The following KIAA1217 variants were observed in gnomAD, a reference collection of about 807,000 sequenced individuals.
The protein encoded by KIAA1217 is sickle tail protein homolog.
In KIAA1217, 88 loss-of-function variants were observed where a neutral mutation model predicts 163.9. The observed-to-expected ratio is 0.54, with a 90% confidence interval of 0.45 to 0.64. The LOEUF is 0.64. KIAA1217 is among the 30% of genes least tolerant of loss of function. The pLI is 0.00. For missense variants in KIAA1217, 2,372 were observed against 2,475.0 expected (o/e 0.96, Z 0.88); for synonymous variants, 903 against 923.1 (o/e 0.98, Z 0.39).
chr10:24,213,261 GCT>G (rs2068385473), intron 1 of KIAA1217, among the ~76,000 whole-genome samples: 3 of 152,136 alleles, frequency 2.0e-5, no homozygotes, highest in Non-Finnish European at 4.4e-5. Context: ...AAGCCCATGG[GCT>G]CTACATTGTG....
intron 1 of KIAA1217, among the ~76,000 whole-genome samples, chr10:23,796,386 C>T (rs938998186): frequency 1.9e-4 from 27 of 141,512 alleles, no homozygotes; most frequent in African/African-American, 6.1e-4. Flanking sequence ...TTAATTGAGA[C>T]GAAGTCTCAC....
chr10:24,204,112 T>G (rs903680190), upstream of KIAA1217, among the ~76,000 whole-genome samples: 1 of 152,246 alleles, frequency 6.6e-6, no homozygotes, highest in Non-Finnish European at 1.5e-5. Flanking sequence ...TCACATCATA[T>G]GACCACATGA....
chr10:24,093,732 G>A (rs1184061303), intron 2 of KIAA1217, among the ~76,000 whole-genome samples: 2 of 150,408 alleles, frequency 1.3e-5, no homozygotes, highest in Non-Finnish European at 2.9e-5. Flanking sequence ...CATGTGCCAT[G>A]CTGGTGTGCT....
chr10:24,192,384 G>A (rs1413935342), intron 2 of KIAA1217, among the ~76,000 whole-genome samples: 1 of 152,150 alleles, frequency 6.6e-6, no homozygotes, highest in Non-Finnish European at 1.5e-5. Context: ...AAGGGGAAAG[G>A]ATAAGGGGAA....
At chr10:23,722,213 T>C (rs2130765957) in intron 1 of KIAA1217, among the ~76,000 whole-genome samples, 1 of 152,280 alleles carries the variant, frequency 6.6e-6, no homozygotes, top group Non-Finnish European at 1.5e-5. Flanking sequence ...TATTGTTTAA[T>C]GAGATTAATG....
intron 1 of KIAA1217, among the ~76,000 whole-genome samples, chr10:23,934,619 A>ATTTTTTT (rs1219984756): frequency 6.2e-5 from 4 of 64,656 alleles, no homozygotes; most frequent in Non-Finnish European, 1.1e-4. Context: ...ATATATATAT[A>ATTTTTTT]TATATATTTT....
At chr10:24,496,613 C>G (rs1428712593) in intron 8 of KIAA1217, among the ~76,000 whole-genome samples, 5 of 152,196 alleles carry the variant, frequency 3.3e-5, no homozygotes, top group African/African-American at 1.2e-4. Flanking sequence ...ACTTTTCATG[C>G]ATTCACTCAT....
At chr10:24,168,355 T>A (rs1431333677) in intron 2 of KIAA1217, among the ~76,000 whole-genome samples, 1 of 152,098 alleles carries the variant, frequency 6.6e-6, no homozygotes, top group African/African-American at 2.4e-5. Flanking sequence ...TAGTAACTTG[T>A]CTAAGCATGC....
At chr10:24,135,358 G>A (rs1022374502) in intron 2 of KIAA1217, among the ~76,000 whole-genome samples, 6 of 152,050 alleles carry the variant, frequency 3.9e-5, no homozygotes, top group Non-Finnish European at 7.4e-5. Flanking sequence ...TTTAGCTCCC[G>A]TAAATACCAA....
At chr10:23,995,450 C>CTCTGTGTG (rs980015208) in intron 1 of KIAA1217, among the ~76,000 whole-genome samples, 21 of 147,828 alleles carry the variant, frequency 1.4e-4, no homozygotes, top group African/African-American at 5.0e-4. Context: ...CAATTATGGC[C>CTCTGTGTG]TGTGTGTGTG....
At chr10:23,786,296 G>A (rs1432395279) in intron 1 of KIAA1217, among the ~76,000 whole-genome samples, 1 of 151,994 alleles carries the variant, frequency 6.6e-6, no homozygotes, top group Non-Finnish European at 1.5e-5. Context: ...AGTTTGGGGT[G>A]ATGGGAGGAG....
chr10:23,978,486 G>A (rs548227343), intron 1 of KIAA1217, among the ~76,000 whole-genome samples: 6 of 152,256 alleles, frequency 3.9e-5, no homozygotes, highest in East Asian at 3.9e-4. Context: ...AATTCCTCAA[G>A]TGCAGTGAAT....
upstream of KIAA1217, among the ~76,000 whole-genome samples, chr10:24,207,280 T>TCACACACACACACA (rs1218257115): frequency 5.1e-5 from 5 of 98,894 alleles, no homozygotes; most frequent in African/African-American, 3.2e-4. Flanking sequence ...TCTCTCTCTC[T>TCACACACACACACA]CTCACACACA....
intron 2 of KIAA1217, among the ~76,000 whole-genome samples, chr10:24,096,408 T>A (rs2062164140): frequency 6.6e-6 from 1 of 152,236 alleles, no homozygotes; most frequent in African/African-American, 2.4e-5. Flanking sequence ...TCCTATTTAG[T>A]CACCCAGTAG....
intron 2 of KIAA1217, among the ~76,000 whole-genome samples, chr10:24,175,575 G>A (rs2065842621): frequency 6.6e-6 from 1 of 152,088 alleles, no homozygotes; most frequent in South Asian, 2.1e-4. Context: ...GTATTCCATT[G>A]TGTACGGAAT....
intron 4 of KIAA1217, among the ~76,000 whole-genome samples, chr10:24,435,532 T>C (rs1270555169): frequency 6.6e-6 from 1 of 152,336 alleles, no homozygotes; most frequent in South Asian, 2.1e-4. Context: ...CACTTGATTA[T>C]GGAGCTCAAG....
At chr10:24,034,982 A>T (rs1203444122) in intron 2 of KIAA1217, among the ~76,000 whole-genome samples, 1 of 152,174 alleles carries the variant, frequency 6.6e-6, no homozygotes, top group Non-Finnish European at 1.5e-5. Flanking sequence ...AAGATGACAG[A>T]GGCACTCTTC....
At chr10:23,857,837 GTATT>G (rs1422330812) in intron 1 of KIAA1217, among the ~76,000 whole-genome samples, 1 of 151,868 alleles carries the variant, frequency 6.6e-6, no homozygotes, top group African/African-American at 2.4e-5. Flanking sequence ...ATATATGTAT[GTATT>G]TATAGAGGAA....
At chr10:24,031,236 C>G (rs1848174682) in intron 2 of KIAA1217, among the ~76,000 whole-genome samples, 1 of 152,140 alleles carries the variant, frequency 6.6e-6, no homozygotes, top group South Asian at 2.1e-4. Flanking sequence ...CATCCACTCT[C>G]ATGAATGTAG....
Sources: gnomAD v4.1 joint callset for allele counts (sites outside exome capture counted in the v4.1 genomes callset) on GRCh38, gnomAD v4.1.1 for gene constraint, MANE v1.5 for transcripts, NCBI Gene and HGNC (gene_info 2026-07-23, HGNC 2026-07-21) for gene names.